FAR2: variants seen among roughly 807,000 people sequenced by gnomAD.
FAR2 encodes fatty acyl-CoA reductase 2.
FAR2 carries 19 observed loss-of-function variants against 56.0 expected under a neutral mutation model. The observed-to-expected ratio is 0.34, with a 90% CI of 0.24 to 0.50. FAR2 has a LOEUF of 0.50. FAR2 is among the 20% of genes least tolerant of loss of function. The probability of loss-of-function intolerance (pLI) is 0.98; values close to 1 mark genes in which losing one functional copy is unlikely to be tolerated. For missense variants in FAR2, 508 were observed against 642.2 expected (o/e 0.79, Z 2.26); for synonymous variants, 219 against 218.8 (o/e 1.00, Z -0.01).
At chr12:29,306,838 G>C (rs2136780287) in intron 4 of FAR2, among the ~76,000 whole-genome samples, 1 of 152,236 alleles carries the variant, frequency 6.6e-6, no homozygotes, top group African/African-American at 2.4e-5. Context: ...AGCTATTTCA[G>C]AGCACTATAA....
intron 1 of FAR2, among the ~76,000 whole-genome samples, chr12:29,174,587 AT>A (rs34704746): frequency 0.039 from 5,849 of 151,498 alleles, 327 homozygotes; most frequent in African/African-American, 0.13. Flanking sequence ...CGCCCGGCTA[AT>A]TTTTTGTATT....
At chr12:29,191,902 G>A (rs1591841338) in intron 1 of FAR2, among the ~76,000 whole-genome samples, 1 of 152,302 alleles carries the variant, frequency 6.6e-6, no homozygotes, top group East Asian at 1.9e-4. Flanking sequence ...CTTCAAAATT[G>A]TCTTGTAACA....
At chr12:29,190,712 C>T (rs973552311) in intron 1 of FAR2, among the ~76,000 whole-genome samples, 7 of 152,068 alleles carry the variant, frequency 4.6e-5, no homozygotes, top group Admixed American at 2.6e-4. Context: ...ATCCACCCAC[C>T]TCGGCCTCCC....
chr12:29,223,378 A>G (rs1189009254), intron 1 of FAR2, among the ~76,000 whole-genome samples: 1 of 152,226 alleles, frequency 6.6e-6, no homozygotes, highest in Admixed American at 6.5e-5. Flanking sequence ...TCATTTGTGG[A>G]AGTCCATATA....
intron 10 of FAR2, among the ~76,000 whole-genome samples, chr12:29,329,619 T>C (rs1949701645): frequency 6.6e-6 from 1 of 152,196 alleles, no homozygotes; most frequent in African/African-American, 2.4e-5. Flanking sequence ...TAAGCAATAT[T>C]AATGATACTA....
chr12:29,224,376 C>T (rs1947733767), intron 1 of FAR2, among the ~76,000 whole-genome samples: 2 of 152,194 alleles, frequency 1.3e-5, no homozygotes, highest in Non-Finnish European at 2.9e-5. Flanking sequence ...TAGTCTAAGG[C>T]TTTTCATATA....
At chr12:29,326,079 G>T (rs1336992848) in intron 10 of FAR2, among the ~76,000 whole-genome samples, 1 of 150,458 alleles carries the variant, frequency 6.6e-6, no homozygotes, top group African/African-American at 2.4e-5. Context: ...TATCACCACC[G>T]ATCCCACAGA....
chr12:29,154,650 G>A (rs1949711718), intron 1 of FAR2, among the ~76,000 whole-genome samples: 1 of 152,094 alleles, frequency 6.6e-6, no homozygotes, highest in Admixed American at 6.5e-5. Flanking sequence ...AGCCAGGATG[G>A]TCTCGATCTC....
intron 1 of FAR2, among the ~76,000 whole-genome samples, chr12:29,189,155 A>G (rs916317592): frequency 1.3e-5 from 2 of 152,180 alleles, no homozygotes; most frequent in Non-Finnish European, 2.9e-5. Context: ...GGAAAGGGGA[A>G]CAGCCACATT....
intron 2 of FAR2, chr12:29,277,952 T>C (rs1948728691): frequency 7.2e-6 from 1 of 139,466 alleles, no homozygotes; most frequent in Admixed American, 6.9e-5. Context: ...TTTTTTTTTT[T>C]GAGATAGGGT....
intron 10 of FAR2, chr12:29,331,799 T>C (rs919603469): frequency 6.6e-6 from 1 of 152,100 alleles, no homozygotes; most frequent in Non-Finnish European, 1.5e-5. Flanking sequence ...ATTTTCAAAG[T>C]ACACAAAAAA....
At chr12:29,248,508 A>G (rs1376327234) in intron 1 of FAR2, among the ~76,000 whole-genome samples, 1 of 152,216 alleles carries the variant, frequency 6.6e-6, no homozygotes, top group African/African-American at 2.4e-5. Flanking sequence ...ACAAGGTAAT[A>G]GAATACCACA....
In FAR2 at chr12:29,334,706, G is replaced by C. The variant is rs1949774003; in HGVS notation, c.*912G>C. On this transcript the variant is annotated 3_prime_UTR_variant, in exon 12 of 12. Coordinates refer to ENST00000536681, the MANE Select transcript of FAR2 (RefSeq NM_001271783.2). ...CACTGAGCAAAACAAAACTTCAAAT[G>C]AACTTTTAAACTGTAGCTTTAGTCT... is the stretch of plus-strand genomic sequence containing the variant. 6.6e-6 allele frequency: 1 copy of C among 152,086 alleles called. No individual in the cohort carries two copies. Among genetic ancestry groups the C allele is most frequent in the African/African-American group, 2.4e-5 (1 of 41,428 alleles). The allele number at this position is 152,086 out of a possible 1,614,324, so 9.4% of individuals were successfully genotyped here.
chr12:29,315,638 T>C (rs1161396867), intron 8 of FAR2, among the ~76,000 whole-genome samples: 2 of 152,148 alleles, frequency 1.3e-5, no homozygotes, highest in African/African-American at 4.8e-5. Flanking sequence ...ATTCTGGGTA[T>C]TTTTCAAACA....
intron 1 of FAR2, among the ~76,000 whole-genome samples, chr12:29,256,710 G>A (rs552893580): frequency 3.9e-5 from 6 of 152,322 alleles, no homozygotes; most frequent in Non-Finnish European, 7.4e-5. Flanking sequence ...CCGGGTGGGC[G>A]TGGGCTTGGC....
At chr12:29,224,909 A>G (rs867050558) in intron 1 of FAR2, among the ~76,000 whole-genome samples, 37 of 152,312 alleles carry the variant, frequency 2.4e-4, no homozygotes, top group Non-Finnish European at 4.4e-4. Flanking sequence ...AAGGCATATA[A>G]AAATAACATG....
intron 1 of FAR2, among the ~76,000 whole-genome samples, chr12:29,210,019 C>T (rs1286859314): frequency 3.3e-5 from 5 of 151,896 alleles, no homozygotes; most frequent in African/African-American, 1.2e-4. Context: ...CCAGCCTGGG[C>T]AATATAAGGA....
At position 29,270,639 on chromosome 12, in the gene FAR2, G is replaced by T; in HGVS notation, c.189+1G>T. 2 of 1,607,224 alleles carry T rather than the reference G, an allele frequency of 1.2e-6. No individual in the cohort carries two copies. The highest frequency in any genetic ancestry group is 1.7e-6 in the Non-Finnish European group (2 of 1,175,816). The stretch of plus-strand genomic sequence containing the variant: ...GGTTTTCCAGATCCTAGACAGTAAG[G>T]TATGCCTTATAGGAAAGCGTGTGTG... On this transcript the variant is annotated splice_donor_variant, in intron 2 of 11. Coordinates refer to ENST00000536681, the MANE Select transcript of FAR2 (RefSeq NM_001271783.2). LOFTEE classifies it high-confidence loss of function.
chr12:29,284,619 T>C (rs1032237604), intron 2 of FAR2, among the ~76,000 whole-genome samples: 3 of 152,170 alleles, frequency 2.0e-5, no homozygotes, highest in Admixed American at 2.0e-4. Flanking sequence ...TTTAAGACAA[T>C]AGAAGACAGG....
Sources: allele counts gnomAD v4.1 joint callset (sites outside exome capture counted in the v4.1 genomes callset), GRCh38; gene constraint gnomAD v4.1.1; transcripts MANE v1.5; gene names NCBI Gene and HGNC (gene_info 2026-07-23, HGNC 2026-07-21).